RARB: variants seen among roughly 807,000 people sequenced by gnomAD.
RARB encodes the protein retinoic acid receptor beta.
In RARB, 17 loss-of-function variants were observed where a neutral mutation model predicts 51.9. The observed-to-expected ratio is 0.33, with a 90% CI of 0.22 to 0.49. The LOEUF (loss-of-function observed/expected upper bound fraction) is 0.49, where lower values mean the gene tolerates loss of function less well. RARB is among the 20% of genes least tolerant of loss of function. The probability of loss-of-function intolerance (pLI) is 0.99; values close to 1 mark genes in which losing one functional copy is unlikely to be tolerated. For synonymous variants in RARB, 215 were observed against 195.4 expected (o/e 1.10, Z -0.84); for missense variants, 369 against 550.8 (o/e 0.67, Z 3.30).
chr3:25,024,152 A>G (rs1697695374), intron 2 of RARB, among the ~76,000 whole-genome samples: 1 of 152,216 alleles, frequency 6.6e-6, no homozygotes, highest in African/African-American at 2.4e-5. Context: ...AAATTAGAAA[A>G]TTAGGTTAAT....
At chr3:25,094,726 A>AAG (rs1460756163) in intron 3 of RARB, among the ~76,000 whole-genome samples, 2 of 148,524 alleles carry the variant, frequency 1.3e-5, no homozygotes, top group African/African-American at 2.5e-5. Flanking sequence ...CAAAAAAAAA[A>AAG]AAAAAAAAAA....
chr3:25,236,211 G>T (rs1702297878), intron 5 of RARB, among the ~76,000 whole-genome samples: 1 of 151,996 alleles, frequency 6.6e-6, no homozygotes, highest in African/African-American at 2.4e-5. Context: ...AATATTAATT[G>T]TGCCAAGAAC....
chr3:25,498,284 C>T (rs1232947996), intron 2 of RARB, among the ~76,000 whole-genome samples: 1 of 152,126 alleles, frequency 6.6e-6, no homozygotes. Context: ...CCGCCACACA[C>T]TCTGGGTCCT....
intron 1 of RARB, among the ~76,000 whole-genome samples, chr3:25,446,137 C>A (rs182339276): frequency 1.3e-5 from 2 of 152,306 alleles, no homozygotes; most frequent in Admixed American, 1.3e-4. Flanking sequence ...AAATGTGTAG[C>A]CCTTACAACA....
intron 5 of RARB, among the ~76,000 whole-genome samples, chr3:25,206,215 C>T (rs1701541916): frequency 6.6e-6 from 1 of 152,154 alleles, no homozygotes; most frequent in African/African-American, 2.4e-5. Context: ...TGAATCCCCT[C>T]CTTGGTTCTG....
At chr3:24,855,311 A>C (rs1197400898) in intron 1 of RARB, among the ~76,000 whole-genome samples, 1 of 152,224 alleles carries the variant, frequency 6.6e-6, no homozygotes, top group Non-Finnish European at 1.5e-5. Flanking sequence ...TCCTGGGGCA[A>C]GTGTATGTCT....
chr3:25,298,344 G>A (rs1328113639), intron 5 of RARB, among the ~76,000 whole-genome samples: 1 of 151,940 alleles, frequency 6.6e-6, no homozygotes, highest in African/African-American at 2.4e-5. Flanking sequence ...CACCACGCCT[G>A]GCTAATTTTT....
chr3:25,016,255 C>G (rs1697505756), intron 2 of RARB, among the ~76,000 whole-genome samples: 1 of 152,146 alleles, frequency 6.6e-6, no homozygotes, highest in South Asian at 2.1e-4. Flanking sequence ...AGATACTATA[C>G]TAACTCATGT....
intron 5 of RARB, among the ~76,000 whole-genome samples, chr3:25,257,595 G>A (rs573998859): frequency 4.6e-5 from 7 of 152,140 alleles, no homozygotes; most frequent in African/African-American, 1.7e-4. Context: ...TTCATCAGGA[G>A]ATCTGTCTTG....
At chr3:25,501,715 C>T (rs1019481504) in intron 3 of RARB, among the ~76,000 whole-genome samples, 1 of 152,164 alleles carries the variant, frequency 6.6e-6, no homozygotes, top group African/African-American at 2.4e-5. Flanking sequence ...TGAATGTTAA[C>T]AGTAGTCATA....
chr3:24,903,676 GC>G (rs1694779335), intron 2 of RARB, among the ~76,000 whole-genome samples: 1 of 152,074 alleles, frequency 6.6e-6, no homozygotes, highest in Non-Finnish European at 1.5e-5. Context: ...TGTCTTTAGG[GC>G]TTTAAGATCT....
rs78945203 is a variant in RARB at position 25,183,530 on chromosome 3, T to C, written c.178+8955T>C. ...TACTCATCACTGTCAAATTGGAATC[T>C]GTGAGATTCTTCAGAAAAACCATTC... On this transcript the variant is annotated intron_variant, in intron 5 of 11. Transcript: ENST00000383772. 9.9e-3 allele frequency among the ~76,000 whole-genome samples: 1,508 copies of C among 152,326 alleles called. 9 individuals are homozygous for C. The highest frequency in any genetic ancestry group is 0.017 in the Middle Eastern group (5 of 294).
intron 4 of RARB, among the ~76,000 whole-genome samples, chr3:25,157,358 G>GTGTGTGTGTT (rs1700393569): frequency 1.3e-5 from 1 of 76,780 alleles, no homozygotes; most frequent in Non-Finnish European, 3.1e-5. Context: ...GTTTGTGTGT[G>GTGTGTGTGTT]TGTGTGTGTG....
chr3:25,527,402 C>T (rs1559451984), intron 3 of RARB, among the ~76,000 whole-genome samples: 1 of 152,146 alleles, frequency 6.6e-6, no homozygotes, highest in African/African-American at 2.4e-5. Flanking sequence ...TGAGAAACAC[C>T]AAAAATGGTA....
At chr3:25,513,225 T>C (rs1697988501) in intron 3 of RARB, among the ~76,000 whole-genome samples, 1 of 151,540 alleles carries the variant, frequency 6.6e-6, no homozygotes, top group East Asian at 1.9e-4. Context: ...AGGCGGAGGT[T>C]GCAGTGAGCT....
chr3:24,993,650 T>C (rs1363779192), intron 2 of RARB, among the ~76,000 whole-genome samples: 2 of 152,140 alleles, frequency 1.3e-5, no homozygotes, highest in Non-Finnish European at 2.9e-5. Flanking sequence ...AACAAATCTG[T>C]CCCTATCCTT....
chr3:25,191,532 T>C (rs77566814), intron 5 of RARB, among the ~76,000 whole-genome samples: 2,360 of 151,466 alleles, frequency 0.016, 123 homozygotes, highest in South Asian at 0.14. Context: ...AATCCAAAAA[T>C]GGACAGCTAT....
intron 3 of RARB, among the ~76,000 whole-genome samples, chr3:25,515,166 T>C (rs1287405542): frequency 6.6e-6 from 1 of 152,216 alleles, no homozygotes; most frequent in East Asian, 1.9e-4. Flanking sequence ...TTTTTACAAA[T>C]AGTGCCTTCT....
At chr3:25,270,565 T>C (rs1703234346) in intron 5 of RARB, among the ~76,000 whole-genome samples, 1 of 152,168 alleles carries the variant, frequency 6.6e-6, no homozygotes, top group African/African-American at 2.4e-5. Context: ...TTTGTTTAAA[T>C]TCCCTGTAGA....
Sources: allele counts gnomAD v4.1 joint callset (sites outside exome capture counted in the v4.1 genomes callset), GRCh38; gene constraint gnomAD v4.1.1; transcripts MANE v1.5; gene names NCBI Gene and HGNC (gene_info 2026-07-23, HGNC 2026-07-21).